SLC37A1: variants seen among roughly 807,000 people sequenced by gnomAD.
The protein encoded by SLC37A1 is glucose-6-phosphate exchanger SLC37A1.
SLC37A1 carries 49 observed loss-of-function variants against 75.3 expected under a neutral mutation model. That is an observed-to-expected ratio of 0.65 (90% CI 0.52 to 0.83). The LOEUF (loss-of-function observed/expected upper bound fraction) is 0.83. SLC37A1 is among the 40% of genes least tolerant of loss of function. The pLI is 0.00. For synonymous variants in SLC37A1, 268 were observed against 292.1 expected (o/e 0.92, Z 0.84); for missense variants, 566 against 695.0 (o/e 0.81, Z 2.09).
chr21:42,534,296 G>A (rs143607599), intron 3 of SLC37A1, among the ~76,000 whole-genome samples: 11 of 152,226 alleles, frequency 7.2e-5, no homozygotes, highest in Non-Finnish European at 1.2e-4. Flanking sequence ...TCTTTTTCAC[G>A]GGTGTGTAGC....
Position 42,546,872 on chromosome 21 carries a change from A to G in SLC37A1, c.731-231A>G, listed in dbSNP as rs73374195. On this transcript the variant is annotated intron_variant, in intron 8 of 19. Coordinates refer to ENST00000352133, the MANE Select transcript of SLC37A1 (RefSeq NM_001320537.2). ...GTGTTACAGATACATAGAGATAGTA[A>G]AAAGGTTACTAGTAAAGCGAAGCAA... is the stretch of plus-strand genomic sequence containing the variant. 5.1e-3 allele frequency among the ~76,000 whole-genome samples: 781 copies of G among 152,336 alleles called. 7 individuals are homozygous for G. Among genetic ancestry groups the G allele is most frequent in the African/African-American group, 0.017 (727 of 41,572 alleles).
At chr21:42,550,997 C>G (rs1281402331) in intron 9 of SLC37A1, among the ~76,000 whole-genome samples, 1 of 152,210 alleles carries the variant, frequency 6.6e-6, no homozygotes, top group African/African-American at 2.4e-5. Flanking sequence ...GTGCTTTCCG[C>G]CTGAGATCAG....
rs1218125316 is a variant in SLC37A1 at position 42,548,043 on chromosome 21, C to G, written c.768+903C>G. 6.6e-6 allele frequency among the ~76,000 whole-genome samples: 1 copy of G among 152,164 alleles called. No individual in the cohort carries two copies. The highest frequency in any genetic ancestry group is 2.4e-5 in the African/African-American group (1 of 41,412). ...GCTTCCCTCCCTCTGGGGGTCAGCT[C>G]TCTTCCCTCCCTCTGGGAAAGGCTC... On this transcript the variant is annotated intron_variant, in intron 9 of 19. Transcript: ENST00000352133. The surrounding 1 kb of genome is among the most constrained non-coding windows in gnomAD (Gnocchi z 5.6).
chr21:42,515,880 AC>A (rs1363802930), intron 1 of SLC37A1, among the ~76,000 whole-genome samples: 2 of 152,084 alleles, frequency 1.3e-5, no homozygotes, highest in Admixed American at 1.3e-4. Flanking sequence ...TGCCTCAGCC[AC>A]CCGAGTAGCT....
rs866316911 is a variant in SLC37A1 at position 42,565,764 on chromosome 21, T to A, written c.1222-63T>A. 3.2e-4 allele frequency: 471 copies of A among 1,466,824 alleles called. 1 individual carries two copies. In the Middle Eastern group the frequency reaches 4.9e-3, roughly 15 times the overall value. The allele number at this position is 1,466,824 out of a possible 1,614,324, so 90.9% of individuals were successfully genotyped here. A position where few individuals can be genotyped will look rare whatever the true frequency, so the allele number is the denominator to read the frequency against. On this transcript the variant is annotated intron_variant, in intron 14 of 19. Transcript: ENST00000352133. ...CCGCCGGGTTTTTGAGAAGTAGATT[T>A]CCAGCAATCTCGCACTGCTTGCAGC...
intron 3 of SLC37A1, among the ~76,000 whole-genome samples, chr21:42,529,457 C>T (rs769350266): frequency 1.8e-4 from 27 of 151,896 alleles, no homozygotes; most frequent in Non-Finnish European, 2.8e-4. Flanking sequence ...GGGAGACTGA[C>T]GCATGAGAAT....
At chr21:42,549,235 G>A (rs1428442923) in intron 9 of SLC37A1, among the ~76,000 whole-genome samples, 1 of 152,172 alleles carries the variant, frequency 6.6e-6, no homozygotes, top group Non-Finnish European at 1.5e-5. Flanking sequence ...CTCACCCAGG[G>A]GCGGCCAGGC....
At chr21:42,558,575 A>G (rs1168858397) in intron 10 of SLC37A1, among the ~76,000 whole-genome samples, 1 of 152,116 alleles carries the variant, frequency 6.6e-6, no homozygotes, top group African/African-American at 2.4e-5. Flanking sequence ...TGTCATAAGC[A>G]TTTTCCGTCA....
chr21:42,522,089 G>C (rs555336990), intron 2 of SLC37A1, among the ~76,000 whole-genome samples: 1 of 152,148 alleles, frequency 6.6e-6, no homozygotes, highest in Non-Finnish European at 1.5e-5. Context: ...CTCCCTTCCT[G>C]TCTCTGAGTC....
At position 42,553,370 on chromosome 21, in the gene SLC37A1, AAAC is replaced by A. The variant is rs576784855; in HGVS notation, c.769-684_769-682del. On this transcript the variant is annotated intron_variant, in intron 9 of 19. Transcript: ENST00000352133. Reference sequence around the variant, plus strand: ...AGTTTGTTTGGACTATTTCATCAACAAACAACAACATTTTACCACTGGAGAATT... The same window carrying A: ...AGTTTGTTTGGACTATTTCATCAACAAACAACATTTTACCACTGGAGAATT... 4.0e-3 allele frequency among the ~76,000 whole-genome samples: 607 copies of A among 152,328 alleles called. 4 individuals carry two copies. Among genetic ancestry groups the A allele is most frequent in the African/African-American group, 0.014 (567 of 41,568 alleles).
upstream of SLC37A1, among the ~76,000 whole-genome samples, chr21:42,510,327 A>G (rs1396248050): frequency 6.6e-6 from 1 of 152,188 alleles, no homozygotes; most frequent in East Asian, 1.9e-4. Flanking sequence ...CGCCTGGCCT[A>G]AAATGTATTA....
chr21:42,572,412 A>G (rs560122898), intron 17 of SLC37A1, among the ~76,000 whole-genome samples: 3 of 152,096 alleles, frequency 2.0e-5, no homozygotes, highest in South Asian at 4.2e-4. Flanking sequence ...TTTCTGGAAA[A>G]TGTATTAGTC....
chr21:42,560,794 C>T (rs1313056795), intron 11 of SLC37A1, among the ~76,000 whole-genome samples: 1 of 152,194 alleles, frequency 6.6e-6, no homozygotes, highest in Non-Finnish European at 1.5e-5. Context: ...TTCTGCTGTA[C>T]CTTCCTCTGT....
At position 42,518,486 on chromosome 21, in the gene SLC37A1, T is replaced by C. The variant is rs2054565903; in HGVS notation, c.32T>C (p.Ile11Thr). 6.2e-7 allele frequency: 1 copy of C among 1,614,038 alleles called. No individual in the cohort carries two copies. Among genetic ancestry groups the C allele is most frequent in the African/African-American group, 1.3e-5 (1 of 74,890 alleles). Residue 11 changes from isoleucine to threonine, a missense_variant, in exon 2 of 20, where the codon ATC (isoleucine) becomes ACC (threonine). Transcript: ENST00000352133. MARLPAGIRFIISFSRDQWYR... is the reference protein window; with the variant it reads MARLPAGIRFTISFSRDQWYR... Reference sequence around the variant, plus strand: ...CGACTCCCCGCTGGCATTCGCTTCATCATCTCATTCTCCAGGGATCAGTGG... The same window carrying C: ...CGACTCCCCGCTGGCATTCGCTTCACCATCTCATTCTCCAGGGATCAGTGG...
intron 9 of SLC37A1, among the ~76,000 whole-genome samples, chr21:42,549,997 C>T (rs1410752650): frequency 2.6e-5 from 4 of 152,206 alleles, no homozygotes; most frequent in African/African-American, 4.8e-5. Flanking sequence ...CCCTTCCCAC[C>T]TCCTGCTGAT....
At chr21:42,564,915 C>A in intron 14 of SLC37A1, 122 bp downstream of exon 14, 1 of 836,098 alleles carries the variant, frequency 1.2e-6, no homozygotes, top group South Asian at 1.6e-5. Context: ...CGCTTCATTC[C>A]CTCTCATGCC....
chr21:42,517,066 G>T (rs1422262406), intron 1 of SLC37A1, among the ~76,000 whole-genome samples: 1 of 152,248 alleles, frequency 6.6e-6, no homozygotes, highest in Admixed American at 6.5e-5. Context: ...GGAGATGGAA[G>T]TAGGACCTTG....
chr21:42,525,223 T>C (rs562373813), intron 2 of SLC37A1, among the ~76,000 whole-genome samples: 1 of 152,372 alleles, frequency 6.6e-6, no homozygotes, highest in South Asian at 2.1e-4. Context: ...GCAGTAAATG[T>C]GTTTCCCTGA....
chr21:42,530,654 A>ACACACACACACACCCC lies in SLC37A1; in HGVS notation c.139-4043_139-4042insACACACACACACCCCC, dbSNP rs1161313598. Among the ~76,000 whole-genome samples, 35 of 35,892 alleles carry ACACACACACACACCCC rather than the reference A, an allele frequency of 9.8e-4. 2 individuals carry two copies. Among genetic ancestry groups the ACACACACACACACCCC allele is most frequent in the Non-Finnish European group, 1.6e-3 (30 of 19,104 alleles). 23.5% of individuals were successfully genotyped at this position (35,892 alleles called of 152,430 possible). On this transcript the variant is annotated intron_variant, in intron 3 of 19. Coordinates refer to ENST00000352133, the MANE Select transcript of SLC37A1 (RefSeq NM_001320537.2). ...CACACACACACACACACACACACACACCCCCTCTGTGTTGGCTGAAGGTGG... is the reference window on the plus strand; with the variant it reads ...CACACACACACACACACACACACACACACACACACACACCCCCCCCCTCTGTGTTGGCTGAAGGTGG...
Sources: allele counts gnomAD v4.1 joint callset (sites outside exome capture counted in the v4.1 genomes callset), GRCh38; gene constraint gnomAD v4.1.1; non-coding constraint Gnocchi (gnomAD v3.1); transcripts MANE v1.5; gene names NCBI Gene and HGNC (gene_info 2026-07-23, HGNC 2026-07-21).